Variants in TLE4 observed in about 807,000 individuals in gnomAD.
TLE4 encodes transducin-like enhancer protein 4.
TLE4 carries 8 observed loss-of-function variants against 92.8 expected under a neutral mutation model. The observed-to-expected ratio is 0.09, with a 90% CI of 0.05 to 0.16. TLE4 has a LOEUF of 0.16. TLE4 is among the 10% of genes least tolerant of loss of function. The pLI is 1.00. For synonymous variants in TLE4, 371 were observed against 374.1 expected (o/e 0.99, Z 0.10); for missense variants, 675 against 997.6 (o/e 0.68, Z 4.36).
At chr9:79,654,439 T>C (rs548615812) in intron 8 of TLE4, among the ~76,000 whole-genome samples, 2 of 152,198 alleles carry the variant, frequency 1.3e-5, no homozygotes, top group South Asian at 4.1e-4. Context: ...CATATTAGTT[T>C]CATATTTGAG....
chr9:79,707,996 G>T (rs2072162543), intron 11 of TLE4, 122 bp from the exon 12 acceptor site: 2 of 1,001,742 alleles, frequency 2.0e-6, no homozygotes, highest in South Asian at 1.8e-5. Context: ...GAAAATCAAG[G>T]CCCAAGCTGA....
chr9:79,648,158 A>G (rs1013978342), intron 6 of TLE4, among the ~76,000 whole-genome samples: 4 of 152,196 alleles, frequency 2.6e-5, no homozygotes, highest in African/African-American at 4.8e-5. Flanking sequence ...TTGTTTTTAA[A>G]TAAAAGGGAT....
At position 79,718,946 on chromosome 9, in the gene TLE4, G is replaced by A; in HGVS notation, c.1565G>A (p.Ser522Asn). 1 of 1,611,712 alleles carries A rather than the reference G, an allele frequency of 6.2e-7. No homozygotes were observed. Among genetic ancestry groups the A allele is most frequent in the Non-Finnish European group, 8.5e-7 (1 of 1,177,986 alleles). Reference sequence around the variant, plus strand: ...GACATCAGCCACCCAGGCAATAAGAGTCCTGTCTCCCAGCTCGACTGTCTG... The same window carrying A: ...GACATCAGCCACCCAGGCAATAAGAATCCTGTCTCCCAGCTCGACTGTCTG... Reference protein sequence around the residue: ...VWDISHPGNKSPVSQLDCLNR... With the variant: ...VWDISHPGNKNPVSQLDCLNR... The change falls in exon 15 of 20, where the codon AGT (serine) becomes AAT (asparagine). Residue 522 changes from serine to asparagine, a missense_variant. Around this residue, in one of 5 missense-constraint regions of TLE4, gnomAD observed 170 missense variants for 359.6 expected, o/e 0.47. Transcript: ENST00000376552.
rs533792133 is a variant in TLE4, at chr9:79,607,355, G to A, written c.253-5301G>A. 1.4e-4 allele frequency among the ~76,000 whole-genome samples: 22 copies of A among 152,200 alleles called. No homozygotes were observed. In the East Asian group the frequency reaches 2.9e-3, roughly 20 times the overall value. ...CACTCTGATGGTAGTTTCTTTTGCC[G>A]TGTAGAAGCTCTTTAGTTTAATTAG... On this transcript the variant is annotated intron_variant, in intron 4 of 19. Transcript: ENST00000376552.
rs535636300 is a variant in TLE4, at chr9:79,706,660, G to A, written c.784-87G>A. The A allele has an allele frequency of 1.2e-5, 18 of 1,486,030 alleles. No homozygotes were observed. In the African/African-American group the frequency reaches 2.0e-4, roughly 16 times the overall value. The allele number at this position is 1,486,030 out of a possible 1,614,324, so 92.1% of individuals were successfully genotyped here. ...TTGTGCTTCTAAGCATGCATTAAAT[G>A]CTTTTGGCTAGAAATGTCCACACCC... On this transcript the variant is annotated intron_variant, in intron 10 of 19. Transcript: ENST00000376552.
intron 8 of TLE4, among the ~76,000 whole-genome samples, chr9:79,703,547 A>C (rs940367995): frequency 6.6e-6 from 1 of 152,138 alleles, no homozygotes; most frequent in Non-Finnish European, 1.5e-5. Flanking sequence ...CCTGACCTTC[A>C]TGGCAGATAG....
At chr9:79,720,370 A>C in intron 16 of TLE4, 77 bp downstream of exon 16, 1 of 1,452,598 alleles carries the variant, frequency 6.9e-7, no homozygotes, top group Non-Finnish European at 9.2e-7. Flanking sequence ...CTGTGTATAT[A>C]GGTATGGGTG....
Position 79,588,768 on chromosome 9 carries a change from G to A in TLE4, c.252+12591G>A, listed in dbSNP as rs776670978. Among the ~76,000 whole-genome samples the A allele has an allele frequency of 4.6e-5, 7 of 152,236 alleles. 1 individual carries two copies. Among genetic ancestry groups the A allele is most frequent in the Non-Finnish European group, 8.8e-5 (6 of 68,052 alleles). Reference sequence around the variant, plus strand: ...GTAAACTTTTGAGTGCCTGCCTGGGGTGGAGGAGAGATGGAGGTTCTTGGC... The same window carrying A: ...GTAAACTTTTGAGTGCCTGCCTGGGATGGAGGAGAGATGGAGGTTCTTGGC... On this transcript the variant is annotated intron_variant, in intron 4 of 19. Coordinates refer to ENST00000376552, the MANE Select transcript of TLE4 (RefSeq NM_007005.6).
chr9:79,698,056 C>T (rs912489232), intron 8 of TLE4, among the ~76,000 whole-genome samples: 1 of 152,180 alleles, frequency 6.6e-6, no homozygotes, highest in Non-Finnish European at 1.5e-5. Context: ...TGGGGGCTTA[C>T]TAGTACTAGA....
chr9:79,600,431 A>G (rs1185396376), intron 4 of TLE4, among the ~76,000 whole-genome samples: 2 of 152,192 alleles, frequency 1.3e-5, no homozygotes, highest in East Asian at 3.8e-4. Context: ...TGAGTGAGGA[A>G]TCAGTGAATG....
At chr9:79,693,966 C>T (rs1481642554) in intron 8 of TLE4, among the ~76,000 whole-genome samples, 7 of 152,070 alleles carry the variant, frequency 4.6e-5, no homozygotes, top group Non-Finnish European at 1.5e-5. Flanking sequence ...TACTGAGTAG[C>T]GCTGTAGTGA....
rs565734921 is a variant in TLE4, at chr9:79,707,560, G to T, written c.937-558G>T. Among the ~76,000 whole-genome samples the T allele has an allele frequency of 8.5e-5, 13 of 152,302 alleles. No individual in the cohort carries two copies. The South Asian group carries it at 2.5e-3, about 29-fold the overall frequency. Reference sequence around the variant, plus strand: ...TAACCTCTGGAATTCACAGCTAAAGGAAAGGAAATTCCTCACTTGGTCTGC... The same window carrying T: ...TAACCTCTGGAATTCACAGCTAAAGTAAAGGAAATTCCTCACTTGGTCTGC... On this transcript the variant is annotated intron_variant, in intron 11 of 19. Transcript: ENST00000376552.
rs376591718 is a variant in TLE4 at position 79,671,115 on chromosome 9, A to G, written c.609+17040A>G. ...ATGCAGATGGTTGAGAATTAACTTTAGCTGATCCTAGCACATATTTAATTC... is the reference window on the plus strand; with the variant it reads ...ATGCAGATGGTTGAGAATTAACTTTGGCTGATCCTAGCACATATTTAATTC... On this transcript the variant is annotated intron_variant, in intron 8 of 19. Coordinates refer to ENST00000376552, the MANE Select transcript of TLE4 (RefSeq NM_007005.6). The G allele has an allele frequency of 3.6e-4, 117 of 327,118 alleles. No individual in the cohort carries two copies. In the East Asian group the frequency reaches 5.5e-3, roughly 15 times the overall value. 20.3% of individuals were successfully genotyped at this position (327,118 alleles called of 1,614,324 possible). A position where few individuals can be genotyped will look rare whatever the true frequency, so the allele number is the denominator to read the frequency against.
At chr9:79,635,008 T>C (rs1411553490) in intron 6 of TLE4, among the ~76,000 whole-genome samples, 1 of 152,214 alleles carries the variant, frequency 6.6e-6, no homozygotes, top group African/African-American at 2.4e-5. Context: ...CTGAGTTACA[T>C]GGTAAATGCA....
intron 4 of TLE4, among the ~76,000 whole-genome samples, chr9:79,606,708 G>A (rs531613769): frequency 8.6e-5 from 13 of 152,004 alleles, no homozygotes; most frequent in South Asian, 6.2e-4. Flanking sequence ...ACATGAACTC[G>A]TCTTTTTTTA....
intron 5 of TLE4, among the ~76,000 whole-genome samples, chr9:79,613,726 G>A (rs1464765482): frequency 6.6e-6 from 1 of 152,104 alleles, no homozygotes; most frequent in Non-Finnish European, 1.5e-5. Context: ...CTTGCCAGCG[G>A]GCATGTGCCA....
intron 6 of TLE4, among the ~76,000 whole-genome samples, chr9:79,644,665 G>C (rs1245306705): frequency 6.6e-6 from 1 of 152,230 alleles, no homozygotes; most frequent in African/African-American, 2.4e-5. Context: ...ACTGTCCATA[G>C]TAAATAGTGT....
chr9:79,654,575 T>A (rs1376222013), intron 8 of TLE4, among the ~76,000 whole-genome samples: 3 of 152,120 alleles, frequency 2.0e-5, no homozygotes, highest in African/African-American at 7.2e-5. Context: ...TTCTTTCAAA[T>A]TAACATTTTG....
At chr9:79,606,050 A>G (rs1410690562) in intron 4 of TLE4, among the ~76,000 whole-genome samples, 1 of 152,048 alleles carries the variant, frequency 6.6e-6, no homozygotes, top group African/African-American at 2.4e-5. Flanking sequence ...CACTGGAGTA[A>G]GTAGGATGGG....
Sources: gnomAD v4.1 joint callset for allele counts (sites outside exome capture counted in the v4.1 genomes callset) on GRCh38, gnomAD v4.1.1 for gene constraint, gnomAD v4.1.1 regional missense constraint, MANE v1.5 for transcripts, NCBI Gene and HGNC (gene_info 2026-07-23, HGNC 2026-07-21) for gene names.